Variants in GRID2 observed in about 807,000 individuals in gnomAD.
The protein encoded by GRID2 is glutamate ionotropic receptor delta type subunit 2.
A neutral mutation model predicts 114.8 loss-of-function variants in GRID2; 33 were observed. The observed-to-expected ratio is 0.29, with a 90% CI of 0.22 to 0.38. The LOEUF (loss-of-function observed/expected upper bound fraction) is 0.38. GRID2 is among the 10% of genes least tolerant of loss of function. The pLI is 1.00. For missense variants in GRID2, 1,184 were observed against 1,257.7 expected, an observed-to-expected ratio of 0.94 and a Z score of 0.89; for synonymous variants, 505 against 449.9, an observed-to-expected ratio of 1.12 and a Z score of -1.55.
intron 1 of GRID2, among the ~76,000 whole-genome samples, chr4:92,481,064 A>C (rs1242884471): frequency 6.6e-6 from 1 of 152,144 alleles, no homozygotes; most frequent in African/African-American, 2.4e-5. Context: ...CTCTCAATAG[A>C]GTTAAATTTC....
At chr4:92,496,100 G>A (rs1018027492) in intron 1 of GRID2, among the ~76,000 whole-genome samples, 3 of 151,866 alleles carry the variant, frequency 2.0e-5, no homozygotes, top group Non-Finnish European at 4.4e-5. Flanking sequence ...AGCTTACCAT[G>A]TAAGCACCAT....
chr4:92,446,644 T>C (rs1733483898), intron 1 of GRID2, among the ~76,000 whole-genome samples: 1 of 152,200 alleles, frequency 6.6e-6, no homozygotes, highest in Non-Finnish European at 1.5e-5. Flanking sequence ...AACTTGTTTT[T>C]GAGGTCTCCT....
At chr4:93,483,460 A>G (rs1008773188) in intron 11 of GRID2, among the ~76,000 whole-genome samples, 2 of 151,994 alleles carry the variant, frequency 1.3e-5, no homozygotes, top group African/African-American at 4.8e-5. Context: ...GTTTAAACCT[A>G]TAAGAAGTGG....
At chr4:92,969,172 A>G (rs2149168180) in intron 2 of GRID2, among the ~76,000 whole-genome samples, 1 of 151,638 alleles carries the variant, frequency 6.6e-6, no homozygotes, top group South Asian at 2.1e-4. Context: ...GTAAAGTCAA[A>G]TTATTTTTGA....
chr4:93,440,274 C>T (rs1486295715), intron 10 of GRID2, among the ~76,000 whole-genome samples: 2 of 152,010 alleles, frequency 1.3e-5, no homozygotes, highest in Non-Finnish European at 2.9e-5. Flanking sequence ...TGCTACAACA[C>T]ACCTGCCAGT....
At chr4:92,917,601 C>G (rs1174831241) in intron 2 of GRID2, among the ~76,000 whole-genome samples, 2 of 152,310 alleles carry the variant, frequency 1.3e-5, no homozygotes, top group Admixed American at 1.3e-4. Flanking sequence ...TTCCCAGCAT[C>G]ATTTATAAAT....
intron 13 of GRID2, among the ~76,000 whole-genome samples, chr4:93,623,560 C>G (rs927917549): frequency 6.6e-6 from 1 of 152,248 alleles, no homozygotes; most frequent in African/African-American, 2.4e-5. Context: ...GCACTATTCA[C>G]AATAGCAAAG....
At chr4:92,683,465 G>T (rs760406765) in intron 2 of GRID2, among the ~76,000 whole-genome samples, 3 of 152,028 alleles carry the variant, frequency 2.0e-5, no homozygotes, top group Non-Finnish European at 4.4e-5. Context: ...AAGAGAAGTG[G>T]TGTTTTTGGC....
intron 1 of GRID2, among the ~76,000 whole-genome samples, chr4:92,349,549 C>T (rs186809839): frequency 5.6e-4 from 85 of 151,492 alleles, no homozygotes; most frequent in African/African-American, 1.9e-3. Context: ...TTATTTAAAA[C>T]ATATTTTATT....
intron 1 of GRID2, among the ~76,000 whole-genome samples, chr4:92,374,507 G>A (rs902331075): frequency 3.3e-5 from 5 of 151,968 alleles, no homozygotes; most frequent in Non-Finnish European, 4.4e-5. Flanking sequence ...GACCACCTTG[G>A]GCATATGTTC....
chr4:93,509,823 T>A (rs1314065817), intron 12 of GRID2, among the ~76,000 whole-genome samples: 1 of 152,190 alleles, frequency 6.6e-6, no homozygotes, highest in African/African-American at 2.4e-5. Flanking sequence ...GGCATATTAG[T>A]TGTTCCTTTA....
chr4:93,273,140 T>G (rs893220435), intron 8 of GRID2, among the ~76,000 whole-genome samples: 24 of 152,250 alleles, frequency 1.6e-4, no homozygotes, highest in Admixed American at 3.9e-4. Context: ...ATTGTTCATT[T>G]TTCTCACTAG....
At chr4:92,559,634 G>C (rs1341637869) in intron 1 of GRID2, among the ~76,000 whole-genome samples, 3 of 152,088 alleles carry the variant, frequency 2.0e-5, no homozygotes, top group Non-Finnish European at 4.4e-5. Flanking sequence ...TTAGAGGGAA[G>C]AAAATCCCAT....
At chr4:93,422,535 T>C (rs931854788) in intron 9 of GRID2, among the ~76,000 whole-genome samples, 2 of 152,170 alleles carry the variant, frequency 1.3e-5, no homozygotes, top group African/African-American at 4.8e-5. Context: ...AGTTTTTTAG[T>C]TACTTTTATC....
chr4:93,354,171 T>C (rs1164269923), intron 8 of GRID2, among the ~76,000 whole-genome samples: 1 of 152,172 alleles, frequency 6.6e-6, no homozygotes, highest in East Asian at 1.9e-4. Context: ...TGAGGATAAC[T>C]TTTTTCCCAA....
At position 93,508,025 on chromosome 4, in the gene GRID2, G is replaced by A. The variant is rs1728799639; in HGVS notation, c.1998-7191G>A. On this transcript the variant is annotated intron_variant, in intron 12 of 15. Transcript: ENST00000282020. ...GACTGCTGTGGGGTGGGGGAATTGGGAGGGATAGCATTAGGAGATATACCT... is the reference window on the plus strand; with the variant it reads ...GACTGCTGTGGGGTGGGGGAATTGGAAGGGATAGCATTAGGAGATATACCT... Among the ~76,000 whole-genome samples, 3 of 152,096 alleles carry A rather than the reference G, an allele frequency of 2.0e-5. No individual in the cohort carries two copies. In the South Asian group the frequency reaches 6.2e-4, roughly 32 times the overall value.
chr4:93,215,376 AC>A (rs1218118250), intron 5 of GRID2, among the ~76,000 whole-genome samples: 4 of 152,180 alleles, frequency 2.6e-5, no homozygotes, highest in East Asian at 1.9e-4. Flanking sequence ...ATATTAATTA[AC>A]TTTAAAAGAT....
At chr4:93,735,153 GT>G (rs1050829362) in intron 14 of GRID2, among the ~76,000 whole-genome samples, 2 of 151,858 alleles carry the variant, frequency 1.3e-5, no homozygotes, top group African/African-American at 4.8e-5. Context: ...ATGAGAAATT[GT>G]TAAGTAAAAA....
At chr4:93,253,311 A>C (rs879333715) in intron 8 of GRID2, among the ~76,000 whole-genome samples, 52 of 152,108 alleles carry the variant, frequency 3.4e-4, no homozygotes, top group Non-Finnish European at 6.9e-4. Context: ...ATTATTTTTA[A>C]TTTATGAAAT....
Sources: gnomAD v4.1 joint callset for allele counts (sites outside exome capture counted in the v4.1 genomes callset) on GRCh38, gnomAD v4.1.1 for gene constraint, MANE v1.5 for transcripts, NCBI Gene and HGNC (gene_info 2026-07-23, HGNC 2026-07-21) for gene names.